The following UBE2Q1 variants were observed in gnomAD, a reference collection of about 807,000 sequenced individuals.
The protein encoded by UBE2Q1 is ubiquitin conjugating enzyme E2 Q1, also known as ubiquitin-conjugating enzyme E2 Q1.
UBE2Q1 carries 6 observed loss-of-function variants against 60.1 expected under a neutral mutation model. The observed-to-expected ratio is 0.10, with a 90% confidence interval of 0.05 to 0.20. UBE2Q1 has a LOEUF of 0.20. Among genes scored for constraint, UBE2Q1 ranks in the 10% least tolerant of loss-of-function variants. The pLI, the probability that UBE2Q1 is intolerant of heterozygous loss-of-function variation, is 1.00. For missense variants in UBE2Q1, 262 were observed against 525.8 expected (o/e 0.50, Z 4.91); for synonymous variants, 226 against 208.3 (o/e 1.09, Z -0.73).
At chr1:154,550,588 T>A (rs1695776716) in intron 12 of UBE2Q1, 119 bp from the exon 13 acceptor site, 6 of 1,555,512 alleles carry the variant, frequency 3.9e-6, no homozygotes, top group Admixed American at 1.9e-5. Context: ...AGGGCTATGC[T>A]GTGTGGGGAG....
rs188834038 is a variant in UBE2Q1, at chr1:154,552,831, C to T, written c.730-11G>A. 2.4e-5 allele frequency: 38 copies of T among 1,613,590 alleles called. No individual in the cohort carries two copies. The East Asian group carries it at 2.9e-4, about 12-fold the overall frequency. ...GCCAGACACTGCACCCTGTGAGGGACGGATGACAGGAACATTCCTTGGTCG... is the reference window on the plus strand; with the variant it reads ...GCCAGACACTGCACCCTGTGAGGGATGGATGACAGGAACATTCCTTGGTCG... On this transcript the variant is annotated splice_polypyrimidine_tract_variant and intron_variant, in intron 5 of 12. Coordinates refer to ENST00000292211, the MANE Select transcript of UBE2Q1 (RefSeq NM_017582.7).
chr1:154,550,321 T>C lies in UBE2Q1; in HGVS notation c.*117A>G. The C allele has an allele frequency of 2.2e-6, 3 of 1,351,470 alleles. No individual in the cohort carries two copies. The highest frequency in any genetic ancestry group is 1.3e-5 in the South Asian group (1 of 79,772). 83.7% of individuals were successfully genotyped at this position (1,351,470 alleles called of 1,614,324 possible). A position where few individuals can be genotyped will look rare whatever the true frequency, so the allele number is the denominator to read the frequency against. ...CATTGTCCTGCAATAGGCAGAGCTA[T>C]CACGTCCAGGAAAAATGAGGGAGGG... On this transcript the variant is annotated 3_prime_UTR_variant, in exon 13 of 13. Coordinates refer to ENST00000292211, the MANE Select transcript of UBE2Q1 (RefSeq NM_017582.7).
intron 4 of UBE2Q1, chr1:154,553,673 G>A (rs925237616): frequency 6.4e-6 from 1 of 156,312 alleles, no homozygotes; most frequent in African/African-American, 2.4e-5. Context: ...CATGAATCAG[G>A]TATGCAGAGG....
intron 5 of UBE2Q1, 32 bp downstream of exon 5, chr1:154,553,000 C>G: frequency 1.2e-6 from 2 of 1,611,524 alleles, no homozygotes; most frequent in Non-Finnish European, 1.7e-6. Context: ...CCCACCAACC[C>G]CTTCACCAGC....
intron 1 of UBE2Q1, among the ~76,000 whole-genome samples, chr1:154,557,082 T>A (rs1049130685): frequency 6.6e-6 from 1 of 152,242 alleles, no homozygotes; most frequent in East Asian, 1.9e-4. Context: ...ATGGGACATA[T>A]GAGTTTTGGT....
intron 11 of UBE2Q1, 63 bp downstream of exon 11, chr1:154,551,334 C>T: frequency 1.3e-6 from 2 of 1,551,686 alleles, no homozygotes; most frequent in East Asian, 2.2e-5. Flanking sequence ...CCTTGGCCTG[C>T]TAGTGGCCCC....
At chr1:154,554,264 T>C (rs1245296533) in intron 4 of UBE2Q1, among the ~76,000 whole-genome samples, 2 of 152,146 alleles carry the variant, frequency 1.3e-5, no homozygotes, top group African/African-American at 4.8e-5. Context: ...TTCCTAACCA[T>C]GATTTTATAT....
rs139782907 is a variant in UBE2Q1 at position 154,558,112 on chromosome 1, G to C, written c.327+115C>G. 622 of 780,262 alleles carry C rather than the reference G, an allele frequency of 8.0e-4. 6 individuals are homozygous for C. Among genetic ancestry groups the C allele is most frequent in the Non-Finnish European group, 1.8e-4 (91 of 508,402 alleles). The allele number at this position is 780,262 out of a possible 1,614,324, so 48.3% of individuals were successfully genotyped here. ...AAATGTAACCTGGAGAGAAAGAACTGAGCCCTGAGAGGGGCTTCGGCCTCC... is the reference window on the plus strand; with the variant it reads ...AAATGTAACCTGGAGAGAAAGAACTCAGCCCTGAGAGGGGCTTCGGCCTCC... On this transcript the variant is annotated intron_variant, in intron 1 of 12. Transcript: ENST00000292211.
intron 4 of UBE2Q1, among the ~76,000 whole-genome samples, chr1:154,554,420 T>C (rs1248400326): frequency 2.0e-5 from 3 of 152,216 alleles, no homozygotes; most frequent in African/African-American, 7.2e-5. Context: ...ATAAGAAAAC[T>C]GTAGCTTAGT....
Position 154,548,636 on chromosome 1 carries a change from A to ACAT in UBE2Q1, c.*1799_*1801dup, listed in dbSNP as rs1571004963. The ACAT allele has an allele frequency of 6.5e-6, 1 of 152,686 alleles. No individual in the cohort carries two copies. 9.5% of individuals were successfully genotyped at this position (152,686 alleles called of 1,614,324 possible). A position where few individuals can be genotyped will look rare whatever the true frequency, so the allele number is the denominator to read the frequency against. On this transcript the variant is annotated 3_prime_UTR_variant, in exon 13 of 13. Transcript: ENST00000292211. ...AGATGAGAAAAATACATTACAAAAT[A>ACAT]CATTATACAGAAGACAGCTCACAGT...
chr1:154,551,364 C>A (rs1695788605), intron 11 of UBE2Q1, 33 bp downstream of exon 11: 1 of 1,608,250 alleles, frequency 6.2e-7, no homozygotes. Context: ...TGGCTCCACC[C>A]AGCCCCACCA....
rs568772186 is a variant in UBE2Q1, at chr1:154,553,406, G to A, written c.589-234C>T. Among the ~76,000 whole-genome samples, 15 of 152,314 alleles carry A rather than the reference G, an allele frequency of 9.8e-5. No individual in the cohort carries two copies. In the East Asian group the frequency reaches 2.5e-3, roughly 25 times the overall value. On this transcript the variant is annotated intron_variant, in intron 4 of 12. Coordinates refer to ENST00000292211, the MANE Select transcript of UBE2Q1 (RefSeq NM_017582.7). ...AAGCTACAGCAAGGACTTCGGAAAC[G>A]AGCAGAGCTGCAGCTGAGATCGAGG...
chr1:154,556,039 C>A, intron 1 of UBE2Q1, 75 bp from the exon 2 acceptor site: 3 of 1,319,050 alleles, frequency 2.3e-6, no homozygotes, highest in Non-Finnish European at 2.2e-6. Context: ...TGTCCTCTTC[C>A]CCCCAAGACT....
chr1:154,551,650 C>A lies in UBE2Q1; in HGVS notation c.1074+121G>T, dbSNP rs1391988756. On this transcript the variant is annotated intron_variant, in intron 10 of 12. Transcript: ENST00000292211. ...TCTGTCTAGGTCAGTGGGTGCAGAC[C>A]CAGCCCAGCAGAATGAAAGGGCCAC... The A allele has an allele frequency of 3.3e-6, 5 of 1,506,836 alleles. No homozygotes were observed. The African/African-American group carries it at 5.5e-5, about 17-fold the overall frequency. 93.3% of individuals were successfully genotyped at this position (1,506,836 alleles called of 1,614,324 possible). A position where few individuals can be genotyped will look rare whatever the true frequency, so the allele number is the denominator to read the frequency against.
chr1:154,555,823 A>T, intron 2 of UBE2Q1, 37 bp downstream of exon 2: 1 of 1,592,420 alleles, frequency 6.3e-7, no homozygotes, highest in South Asian at 1.1e-5. Context: ...TGGGCCTCAT[A>T]AGAACAAAAT....
At position 154,558,618 on chromosome 1, in the gene UBE2Q1, CCGCCG is replaced by C; in HGVS notation, c.-70_-66del. 2.0e-6 allele frequency: 1 copy of C among 509,642 alleles called. No individual in the cohort carries two copies. The highest frequency in any genetic ancestry group is 8.4e-5 in the African/African-American group (1 of 11,854). The allele number at this position is 509,642 out of a possible 1,614,324, so 31.6% of individuals were successfully genotyped here. Reference sequence around the variant, plus strand: ...CCTCCGGCCTGCGCTCCGGGCTCCGCCGCCGCCGCCGCCGCCGCCGCCGCCGCCGC... The same window carrying C: ...CCTCCGGCCTGCGCTCCGGGCTCCGCCCGCCGCCGCCGCCGCCGCCGCCGC... On this transcript the variant is annotated 5_prime_UTR_variant, in exon 1 of 13. Transcript: ENST00000292211.
intron 4 of UBE2Q1, among the ~76,000 whole-genome samples, chr1:154,554,159 A>G (rs1695843381): frequency 6.6e-6 from 1 of 152,190 alleles, no homozygotes; most frequent in South Asian, 2.1e-4. Context: ...ATAGATGCGG[A>G]AGCTGAGTCT....
chr1:154,555,782 A>C, intron 2 of UBE2Q1, 78 bp downstream of exon 2: 1 of 1,354,648 alleles, frequency 7.4e-7, no homozygotes, highest in Non-Finnish European at 1.1e-6. Context: ...TCCACTTTTC[A>C]GGATCCCTTT....
intron 12 of UBE2Q1, 146 bp from the exon 13 acceptor site, chr1:154,550,615 G>C: frequency 2.0e-6 from 3 of 1,509,920 alleles, no homozygotes; most frequent in Non-Finnish European, 2.7e-6. Flanking sequence ...ATGGGAAGCT[G>C]AGAGCCTGCA....
Sources: allele counts gnomAD v4.1 joint callset (sites outside exome capture counted in the v4.1 genomes callset), GRCh38; gene constraint gnomAD v4.1.1; transcripts MANE v1.5; gene names NCBI Gene and HGNC (gene_info 2026-07-23, HGNC 2026-07-21).